CDK14: variants seen among roughly 807,000 people sequenced by gnomAD.
CDK14 encodes the protein cyclin-dependent kinase 14.
A neutral mutation model predicts 60.7 loss-of-function variants in CDK14; 34 were observed. That is an observed-to-expected ratio of 0.56 (90% CI 0.43 to 0.75). CDK14 has a LOEUF of 0.75. CDK14 is among the 30% of genes least tolerant of loss of function. The pLI is 0.00. For missense variants in CDK14, 482 were observed against 564.1 expected (o/e 0.85, Z 1.47); for synonymous variants, 197 against 203.7 (o/e 0.97, Z 0.28).
chr7:90,796,317 A>T (rs1042604167), intron 5 of CDK14, among the ~76,000 whole-genome samples: 1 of 152,200 alleles, frequency 6.6e-6, no homozygotes, highest in Admixed American at 6.5e-5. Context: ...AGTGTGTTGC[A>T]GATTTGAAAT....
At chr7:91,134,111 A>G (rs1481766033) in intron 14 of CDK14, among the ~76,000 whole-genome samples, 1 of 152,104 alleles carries the variant, frequency 6.6e-6, no homozygotes, top group Non-Finnish European at 1.5e-5. Context: ...TCAAAAGGTG[A>G]GGGCTTTTTG....
intron 14 of CDK14, among the ~76,000 whole-genome samples, chr7:91,192,313 C>T (rs1456708030): frequency 6.6e-6 from 1 of 152,166 alleles, no homozygotes; most frequent in Non-Finnish European, 1.5e-5. Context: ...AGTTGCTCTT[C>T]TAATGATCAG....
intron 2 of CDK14, among the ~76,000 whole-genome samples, chr7:90,655,361 C>T (rs1422365942): frequency 6.6e-6 from 1 of 151,830 alleles, no homozygotes; most frequent in Non-Finnish European, 1.5e-5. Flanking sequence ...GTACTGGTGT[C>T]CCAGGATTTA....
intron 11 of CDK14, among the ~76,000 whole-genome samples, chr7:91,059,273 C>T (rs1797697546): frequency 1.3e-5 from 2 of 151,212 alleles, no homozygotes; most frequent in Admixed American, 1.3e-4. Context: ...TTTTTTATTG[C>T]ATCTATTTGA....
chr7:90,905,037 A>C lies in CDK14; in HGVS notation c.702+5684A>C, dbSNP rs2117373475. Among the ~76,000 whole-genome samples, 4 of 152,296 alleles carry C rather than the reference A, an allele frequency of 2.6e-5. No homozygotes were observed. The South Asian group carries it at 8.3e-4, about 32-fold the overall frequency. ...TTTTGCCTGTGTTACATTCTTTCTC[A>C]GGAAGATACTTGAGGATATACTCCA... On this transcript the variant is annotated intron_variant, in intron 7 of 14. Transcript: ENST00000380050.
rs541577496 is a variant in CDK14 at position 91,052,152 on chromosome 7, T to G, written c.1105+6192T>G. ...AGTGCGAGTGGTGTTTGATTGTGCC[T>G]TAAGCAAAGTGAATGTTTGAGCTAG... On this transcript the variant is annotated intron_variant, in intron 11 of 14. Coordinates refer to ENST00000380050, the MANE Select transcript of CDK14 (RefSeq NM_001287135.2). Among the ~76,000 whole-genome samples, 5 of 152,252 alleles carry G rather than the reference T, an allele frequency of 3.3e-5. No homozygotes were observed. In the South Asian group the frequency reaches 1.0e-3, roughly 32 times the overall value.
intron 2 of CDK14, among the ~76,000 whole-genome samples, chr7:90,722,834 T>G (rs2116694387): frequency 6.6e-6 from 1 of 152,350 alleles, no homozygotes; most frequent in South Asian, 2.1e-4. Context: ...AGCTGTACTT[T>G]GCAGTAGATT....
intron 5 of CDK14, among the ~76,000 whole-genome samples, chr7:90,837,438 C>T (rs375735616): frequency 2.0e-5 from 3 of 151,936 alleles, no homozygotes; most frequent in African/African-American, 7.3e-5. Context: ...CAGGTGCCCA[C>T]CACCACACCC....
intron 11 of CDK14, among the ~76,000 whole-genome samples, chr7:91,057,330 A>C (rs1797606823): frequency 6.6e-6 from 1 of 152,118 alleles, no homozygotes; most frequent in Non-Finnish European, 1.5e-5. Flanking sequence ...AGTAGATTGC[A>C]AAAATTTTCT....
intron 2 of CDK14, among the ~76,000 whole-genome samples, chr7:90,639,669 C>G (rs895864158): frequency 4.8e-5 from 5 of 104,060 alleles, no homozygotes; most frequent in Non-Finnish European, 7.6e-5. Flanking sequence ...AGCTGTCAGA[C>G]AGGGACAGAG....
intron 3 of CDK14, among the ~76,000 whole-genome samples, chr7:90,740,521 G>A (rs1380791306): frequency 6.6e-6 from 1 of 151,878 alleles, no homozygotes; most frequent in Non-Finnish European, 1.5e-5. Flanking sequence ...ATCAACCAGA[G>A]GGAAGGCCAT....
rs184086344 is a variant in CDK14, at chr7:90,845,998, T to C, written c.545-17177T>C. Among the ~76,000 whole-genome samples, 33 of 152,286 alleles carry C rather than the reference T, an allele frequency of 2.2e-4. No homozygotes were observed. In the East Asian group the frequency reaches 6.2e-3, roughly 28 times the overall value. On this transcript the variant is annotated intron_variant, in intron 5 of 14. Coordinates refer to ENST00000380050, the MANE Select transcript of CDK14 (RefSeq NM_001287135.2). The stretch of plus-strand genomic sequence containing the variant: ...GCCCACCTTTTATTTAACTCTCCTG[T>C]CTTTTTTTATATAAAATAATAATTA...
At chr7:90,784,988 C>G (rs1289818140) in intron 4 of CDK14, among the ~76,000 whole-genome samples, 3 of 151,958 alleles carry the variant, frequency 2.0e-5, no homozygotes, top group Non-Finnish European at 4.4e-5. Flanking sequence ...TTGTCCTTGC[C>G]CTACTCCAGC....
At chr7:90,727,496 A>T (rs1286753909) in intron 3 of CDK14, among the ~76,000 whole-genome samples, 3 of 152,176 alleles carry the variant, frequency 2.0e-5, no homozygotes, top group Non-Finnish European at 4.4e-5. Context: ...CTATTCTCAA[A>T]TACATTTTTT....
At chr7:91,083,194 C>T (rs1798530807) in intron 12 of CDK14, among the ~76,000 whole-genome samples, 1 of 151,860 alleles carries the variant, frequency 6.6e-6, no homozygotes, top group African/African-American at 2.4e-5. Flanking sequence ...GAGACTTCTT[C>T]TTGTAATATT....
intron 5 of CDK14, among the ~76,000 whole-genome samples, chr7:90,816,107 T>G (rs1480162355): frequency 2.0e-5 from 3 of 152,176 alleles, no homozygotes; most frequent in Non-Finnish European, 2.9e-5. Flanking sequence ...CATAGTGGTT[T>G]CTGAATGAAA....
chr7:90,807,217 C>A (rs1056158233), intron 5 of CDK14, among the ~76,000 whole-genome samples: 11 of 152,204 alleles, frequency 7.2e-5, no homozygotes, highest in African/African-American at 2.7e-4. Flanking sequence ...AGGCACCACC[C>A]AGTAGGGGCA....
At chr7:90,970,666 A>G (rs1286844634) in intron 9 of CDK14, among the ~76,000 whole-genome samples, 1 of 152,240 alleles carries the variant, frequency 6.6e-6, no homozygotes, top group Non-Finnish European at 1.5e-5. Context: ...GCCTTCTCAA[A>G]GGTACCTTTA....
chr7:90,807,561 C>T (rs1243180326), intron 5 of CDK14, among the ~76,000 whole-genome samples: 2 of 152,316 alleles, frequency 1.3e-5, no homozygotes, highest in Middle Eastern at 3.4e-3. Context: ...CCGAGTGCCT[C>T]TCCTCCTCCA....
Sources: gnomAD v4.1 joint callset for allele counts (sites outside exome capture counted in the v4.1 genomes callset) on GRCh38, gnomAD v4.1.1 for gene constraint, MANE v1.5 for transcripts, NCBI Gene and HGNC (gene_info 2026-07-23, HGNC 2026-07-21) for gene names.